The following MTX2 variants were observed in gnomAD, a reference collection of about 807,000 sequenced individuals.
The protein encoded by MTX2 is metaxin 2, also known as metaxin-2.
A neutral mutation model predicts 42.3 loss-of-function variants in MTX2; 35 were observed. The ratio of observed to expected loss-of-function variants is 0.83; its 90% CI spans 0.63 to 1.10. The LOEUF (loss-of-function observed/expected upper bound fraction) is 1.10. MTX2 is among the 50% of genes least tolerant of loss of function. MTX2 has a pLI of 0.00. For missense variants in MTX2, 307 were observed against 304.1 expected (o/e 1.01, Z -0.07); for synonymous variants, 119 against 100.9 (o/e 1.18, Z -1.08).
intron 3 of MTX2, among the ~76,000 whole-genome samples, chr2:176,309,184 C>T (rs1684230198): frequency 6.6e-6 from 1 of 152,186 alleles, no homozygotes; most frequent in Non-Finnish European, 1.5e-5. Flanking sequence ...TGTTCAGTTT[C>T]CATGTAGCTG....
At chr2:176,335,972 G>A (rs1470771473) in intron 9 of MTX2, among the ~76,000 whole-genome samples, 2 of 152,048 alleles carry the variant, frequency 1.3e-5, no homozygotes, top group Non-Finnish European at 2.9e-5. Context: ...TGCATCTCTA[G>A]GAGACTACTT....
chr2:176,294,664 CTGATT>C (rs1683810399), intron 1 of MTX2, among the ~76,000 whole-genome samples: 1 of 152,200 alleles, frequency 6.6e-6, no homozygotes, highest in South Asian at 2.1e-4. Flanking sequence ...GAAGTAGCTT[CTGATT>C]TATCAGAGAA....
Position 176,299,441 on chromosome 2 carries a change from A to G in MTX2, c.135+1546A>G, listed in dbSNP as rs935019863. Among the ~76,000 whole-genome samples the G allele has an allele frequency of 3.3e-5, 5 of 152,074 alleles. No individual in the cohort carries two copies. In the South Asian group the frequency reaches 8.3e-4, roughly 25 times the overall value. ...AGTGTGTATTTTATTTGTTAATTCT[A>G]TTTTTATGATTTCTATTAATTTGCT... On this transcript the variant is annotated intron_variant, in intron 3 of 9. Transcript: ENST00000249442.
intron 3 of MTX2, among the ~76,000 whole-genome samples, chr2:176,320,096 G>A (rs191302968): frequency 3.9e-5 from 6 of 152,050 alleles, no homozygotes; most frequent in African/African-American, 1.4e-4. Flanking sequence ...AGTAAGTTGA[G>A]TGTCATTTAA....
chr2:176,274,350 T>C (rs1692896043), intron 1 of MTX2, among the ~76,000 whole-genome samples: 1 of 152,208 alleles, frequency 6.6e-6, no homozygotes, highest in Non-Finnish European at 1.5e-5. Flanking sequence ...GTAACCTGTT[T>C]TGTCATATAT....
chr2:176,286,998 T>C (rs572052266), intron 1 of MTX2, among the ~76,000 whole-genome samples: 1 of 152,344 alleles, frequency 6.6e-6, no homozygotes, highest in South Asian at 2.1e-4. Flanking sequence ...TACACTGTCG[T>C]GTATGTTTTT....
At chr2:176,319,498 A>C (rs1684524275) in intron 3 of MTX2, among the ~76,000 whole-genome samples, 1 of 145,884 alleles carries the variant, frequency 6.9e-6, no homozygotes, top group Admixed American at 7.0e-5. Context: ...GACTCAAGCT[A>C]TCCTACCATA....
intron 5 of MTX2, 70 bp downstream of exon 5, chr2:176,326,971 A>T (rs1684722391): frequency 2.4e-6 from 2 of 845,304 alleles, no homozygotes; most frequent in Non-Finnish European, 3.6e-6. Context: ...GTGTCTTAAC[A>T]TTTACATTGA....
At chr2:176,305,716 T>G (rs1684126168) in intron 3 of MTX2, among the ~76,000 whole-genome samples, 1 of 152,182 alleles carries the variant, frequency 6.6e-6, no homozygotes, top group Non-Finnish European at 1.5e-5. Context: ...AGCTGTCAGA[T>G]GTTGATGTAT....
chr2:176,325,507 C>A (rs968981530), intron 4 of MTX2, among the ~76,000 whole-genome samples: 7 of 151,620 alleles, frequency 4.6e-5, no homozygotes, highest in Non-Finnish European at 1.0e-4. Flanking sequence ...GAATTGACAA[C>A]GCTCAATGTA....
intron 8 of MTX2, among the ~76,000 whole-genome samples, chr2:176,330,346 A>ACTTATATAGAAAGTATTT (rs1553475609): frequency 1.4e-3 from 205 of 148,288 alleles, no homozygotes; most frequent in Non-Finnish European, 1.4e-3. Context: ...ATATATATAT[A>ACTTATATAGAAAGTATTT]CTTATATAGA....
chr2:176,296,054 T>G (rs889943469), intron 1 of MTX2, among the ~76,000 whole-genome samples: 1 of 152,160 alleles, frequency 6.6e-6, no homozygotes, highest in Non-Finnish European at 1.5e-5. Context: ...AGCCATTGCT[T>G]CTTAAGTGCA....
chr2:176,297,327 C>T (rs72922893), intron 2 of MTX2, among the ~76,000 whole-genome samples: 4,171 of 152,192 alleles, frequency 0.027, 88 homozygotes, highest in African/African-American at 0.055. Flanking sequence ...ATTATGGACC[C>T]CATTTGGGGC....
intron 3 of MTX2, among the ~76,000 whole-genome samples, chr2:176,312,456 T>C (rs1206808313): frequency 6.6e-6 from 1 of 152,226 alleles, no homozygotes; most frequent in African/African-American, 2.4e-5. Flanking sequence ...CTAAAAATTA[T>C]TCACAAACCT....
chr2:176,286,170 A>G (rs1252424695), intron 1 of MTX2, among the ~76,000 whole-genome samples: 2 of 152,148 alleles, frequency 1.3e-5, no homozygotes, highest in African/African-American at 2.4e-5. Context: ...TCTCCTTTGG[A>G]AAAATGGCTA....
intron 3 of MTX2, among the ~76,000 whole-genome samples, chr2:176,305,913 CATT>C (rs1338699619): frequency 4.0e-5 from 6 of 151,716 alleles, no homozygotes; most frequent in South Asian, 2.1e-4. Context: ...CTACATAGAT[CATT>C]ATTATTATTT....
At chr2:176,327,008 A>G (rs111933039) in intron 5 of MTX2, 107 bp downstream of exon 5, 12 of 591,392 alleles carry the variant, frequency 2.0e-5, no homozygotes, top group African/African-American at 9.8e-5. Context: ...TAAAATGCCA[A>G]TGCAAACTAC....
intron 4 of MTX2, among the ~76,000 whole-genome samples, chr2:176,325,323 G>A (rs1310741919): frequency 6.6e-6 from 1 of 151,546 alleles, no homozygotes; most frequent in Non-Finnish European, 1.5e-5. Context: ...CTGTGTTTTT[G>A]CCTGATACCT....
At chr2:176,329,536 A>ACAGGAAATGGT in intron 8 of MTX2, 110 bp downstream of exon 8, 1 of 1,098,850 alleles carries the variant, frequency 9.1e-7, no homozygotes, top group Non-Finnish European at 1.2e-6. Context: ...CAAGAAAACC[A>ACAGGAAATGGT]TTTCCTGTGA....
Sources: gnomAD v4.1 joint callset for allele counts (sites outside exome capture counted in the v4.1 genomes callset) on GRCh38, gnomAD v4.1.1 for gene constraint, MANE v1.5 for transcripts, NCBI Gene and HGNC (gene_info 2026-07-23, HGNC 2026-07-21) for gene names.